Variants in SNTG1 observed in about 807,000 individuals in gnomAD.
SNTG1 encodes syntrophin gamma 1, also known as gamma-1-syntrophin.
In SNTG1, 39 loss-of-function variants were observed where a neutral mutation model predicts 74.7. That is an observed-to-expected ratio of 0.52 (90% CI 0.40 to 0.68). The LOEUF (loss-of-function observed/expected upper bound fraction) is 0.68, where lower values mean the gene tolerates loss of function less well. Among genes scored for constraint, SNTG1 ranks in the 30% least tolerant of loss-of-function variants. The pLI is 0.00. For missense variants in SNTG1, 685 were observed against 609.5 expected (o/e 1.12, Z -1.30); for synonymous variants, 254 against 217.1 (o/e 1.17, Z -1.49).
At chr8:50,695,577 G>A (rs976288055) in intron 15 of SNTG1, among the ~76,000 whole-genome samples, 31 of 151,478 alleles carry the variant, frequency 2.0e-4, no homozygotes, top group African/African-American at 7.0e-4. Flanking sequence ...AGCTTCTAGT[G>A]CGCCTATTAC....
intron 8 of SNTG1, among the ~76,000 whole-genome samples, chr8:50,494,324 A>G (rs1313313012): frequency 6.6e-6 from 1 of 151,960 alleles, no homozygotes; most frequent in African/African-American, 2.4e-5. Flanking sequence ...TATTCAAAAT[A>G]CAGTATTGGC....
rs1316028659 is a variant in SNTG1 at position 50,120,983 on chromosome 8, A to C, written c.-102-51578A>C. Among the ~76,000 whole-genome samples the C allele has an allele frequency of 2.1e-5, 3 of 141,968 alleles. 1 individual carries two copies. The allele number at this position is 141,968 out of a possible 152,430, so 93.1% of individuals were successfully genotyped here. A position where few individuals can be genotyped will look rare whatever the true frequency, so the allele number is the denominator to read the frequency against. On this transcript the variant is annotated intron_variant, in intron 1 of 18. Coordinates refer to ENST00000642720, the MANE Select transcript of SNTG1 (RefSeq NM_018967.5). ...TAGGACAATCTGACTTATAGGAAAC[A>C]CTGAGCTGCTTTTGCTCCCCATATT...
chr8:50,716,445 C>T (rs1455137774), intron 17 of SNTG1, among the ~76,000 whole-genome samples: 1 of 151,764 alleles, frequency 6.6e-6, no homozygotes, highest in East Asian at 1.9e-4. Context: ...CTCAACAATA[C>T]AAAGAGCTGT....
intron 1 of SNTG1, among the ~76,000 whole-genome samples, chr8:50,061,552 C>T (rs1042116717): frequency 6.6e-6 from 1 of 151,888 alleles, no homozygotes; most frequent in African/African-American, 2.4e-5. Flanking sequence ...ATTTGGTTTC[C>T]CTCCCCACTA....
At chr8:50,000,478 C>T (rs1463472095) in intron 1 of SNTG1, among the ~76,000 whole-genome samples, 2 of 152,082 alleles carry the variant, frequency 1.3e-5, no homozygotes, top group African/African-American at 4.8e-5. Flanking sequence ...TTTTCTCCTT[C>T]TCTACTCCCC....
At chr8:50,576,289 T>C (rs1351678473) in intron 12 of SNTG1, among the ~76,000 whole-genome samples, 2 of 152,220 alleles carry the variant, frequency 1.3e-5, no homozygotes, top group Non-Finnish European at 2.9e-5. Context: ...TATTTGAACA[T>C]ATATGAGGGC....
At chr8:50,321,119 T>G (rs1563893523) in intron 2 of SNTG1, among the ~76,000 whole-genome samples, 1 of 152,110 alleles carries the variant, frequency 6.6e-6, no homozygotes, top group Non-Finnish European at 1.5e-5. Flanking sequence ...CAGTCCAATG[T>G]TGAAAGTGAG....
intron 1 of SNTG1, among the ~76,000 whole-genome samples, chr8:49,943,743 C>G (rs1808907003): frequency 6.6e-6 from 1 of 152,158 alleles, no homozygotes; most frequent in Non-Finnish European, 1.5e-5. Context: ...CATTGCATTT[C>G]CTCTTCTTTT....
At chr8:50,102,660 C>A (rs1042684067) in intron 1 of SNTG1, among the ~76,000 whole-genome samples, 6 of 149,510 alleles carry the variant, frequency 4.0e-5, no homozygotes, top group Admixed American at 3.3e-4. Context: ...ATGGTAATGC[C>A]TAGGTTTTTT....
chr8:50,372,212 T>C (rs906692739), intron 2 of SNTG1, among the ~76,000 whole-genome samples: 2 of 150,848 alleles, frequency 1.3e-5, no homozygotes, highest in Non-Finnish European at 3.0e-5. Context: ...TCATTGATCT[T>C]TCTCTGTGTG....
At position 50,608,408 on chromosome 8, in the gene SNTG1, T is replaced by C. The variant is rs574597012; in HGVS notation, c.849+17491T>C. Among the ~76,000 whole-genome samples, 4 of 151,970 alleles carry C rather than the reference T, an allele frequency of 2.6e-5. No homozygotes were observed. In the South Asian group the frequency reaches 6.2e-4, roughly 24 times the overall value. The stretch of plus-strand genomic sequence containing the variant: ...TAGGTACTTATATATTTATAACTGT[T>C]ATGTATTCAAAATATATTGACATTT... On this transcript the variant is annotated intron_variant, in intron 13 of 18. Coordinates refer to ENST00000642720, the MANE Select transcript of SNTG1 (RefSeq NM_018967.5).
At chr8:50,305,197 A>G (rs980402625) in intron 2 of SNTG1, among the ~76,000 whole-genome samples, 2 of 152,088 alleles carry the variant, frequency 1.3e-5, no homozygotes, top group Non-Finnish European at 1.5e-5. Flanking sequence ...CATAGTCTTT[A>G]TATTTCTCAC....
chr8:50,087,560 A>G (rs1464765135), intron 1 of SNTG1, among the ~76,000 whole-genome samples: 1 of 152,112 alleles, frequency 6.6e-6, no homozygotes, highest in Non-Finnish European at 1.5e-5. Flanking sequence ...CATGGGAAAA[A>G]TATCCTTACA....
chr8:50,575,109 C>A (rs1339195801), intron 12 of SNTG1, among the ~76,000 whole-genome samples: 1 of 152,062 alleles, frequency 6.6e-6, no homozygotes. Context: ...TGTGGTGGTG[C>A]AATTATGTCA....
At chr8:50,579,788 T>A (rs1234554775) in intron 12 of SNTG1, among the ~76,000 whole-genome samples, 1 of 152,226 alleles carries the variant, frequency 6.6e-6, no homozygotes, top group African/African-American at 2.4e-5. Context: ...AACTTCTGCC[T>A]AGATTTCAGA....
chr8:50,362,400 GTAAGTCTTC>G (rs1179038670), intron 2 of SNTG1, among the ~76,000 whole-genome samples: 11 of 152,130 alleles, frequency 7.2e-5, no homozygotes, highest in Admixed American at 6.6e-5. Context: ...TTTTTGAGGA[GTAAGTCTTC>G]TAATGAGGGA....
chr8:50,511,919 A>T (rs1375315147), intron 9 of SNTG1, among the ~76,000 whole-genome samples: 1 of 152,050 alleles, frequency 6.6e-6, no homozygotes. Flanking sequence ...ATTTACATTT[A>T]AGGTTAATAT....
intron 2 of SNTG1, among the ~76,000 whole-genome samples, chr8:50,246,404 A>G (rs567027423): frequency 6.6e-6 from 1 of 152,284 alleles, no homozygotes; most frequent in East Asian, 1.9e-4. Context: ...TGATGATACC[A>G]GCCATTTAGT....
chr8:50,263,004 A>T (rs2087274020), intron 2 of SNTG1, among the ~76,000 whole-genome samples: 1 of 152,126 alleles, frequency 6.6e-6, no homozygotes, highest in Admixed American at 6.6e-5. Context: ...TTAATATTAA[A>T]ATACTCCGTT....
Sources: allele counts gnomAD v4.1 joint callset (sites outside exome capture counted in the v4.1 genomes callset), GRCh38; gene constraint gnomAD v4.1.1; transcripts MANE v1.5; gene names NCBI Gene and HGNC (gene_info 2026-07-23, HGNC 2026-07-21).